Variants in FAT3 observed in about 807,000 individuals in gnomAD.
FAT3 encodes protocadherin Fat 3.
In FAT3, 95 loss-of-function variants were observed where a neutral mutation model predicts 310.2. That is an observed-to-expected ratio of 0.31 (90% CI 0.26 to 0.36). The LOEUF is 0.36. Among genes scored for constraint, FAT3 ranks in the 10% least tolerant of loss-of-function variants. The probability of loss-of-function intolerance (pLI) is 1.00; values close to 1 mark genes in which losing one functional copy is unlikely to be tolerated. For missense variants in FAT3, 5,408 were observed against 5,715.6 expected (o/e 0.95, Z 1.74); for synonymous variants, 2,314 against 2,192.9 (o/e 1.06, Z -1.54).
intron 2 of FAT3, among the ~76,000 whole-genome samples, chr11:92,435,424 A>C (rs528454609): frequency 1.3e-5 from 2 of 151,926 alleles, no homozygotes; most frequent in East Asian, 1.9e-4. Flanking sequence ...TTTATTCATT[A>C]GGACCCTCCC....
intron 2 of FAT3, among the ~76,000 whole-genome samples, chr11:92,411,316 C>T (rs1465392327): frequency 6.6e-6 from 1 of 151,482 alleles, no homozygotes; most frequent in East Asian, 1.9e-4. Context: ...ATTTCAAAGT[C>T]TCATTAGACC....
intron 2 of FAT3, among the ~76,000 whole-genome samples, chr11:92,365,796 C>T (rs1300171018): frequency 6.6e-6 from 1 of 152,156 alleles, no homozygotes; most frequent in Admixed American, 6.5e-5. Flanking sequence ...GCACTCCTAC[C>T]CCTCATAGGT....
At chr11:92,316,111 T>C (rs1239489043) in intron 1 of FAT3, among the ~76,000 whole-genome samples, 1 of 151,888 alleles carries the variant, frequency 6.6e-6, no homozygotes, top group Non-Finnish European at 1.5e-5. Context: ...AAAAAATGAA[T>C]AGAAAATACT....
intron 3 of FAT3, among the ~76,000 whole-genome samples, chr11:92,628,537 C>T (rs1022803660): frequency 1.3e-5 from 2 of 152,118 alleles, no homozygotes; most frequent in African/African-American, 4.8e-5. Context: ...TTTCTTCCAG[C>T]TATTATTCTC....
At chr11:92,618,274 T>TGAGCCAGGCGCGGGATACA (rs1940915145) in intron 3 of FAT3, among the ~76,000 whole-genome samples, 1 of 152,234 alleles carries the variant, frequency 6.6e-6, no homozygotes, top group African/African-American at 2.4e-5. Flanking sequence ...TAGAACCCTC[T>TGAGCCAGGCGCGGGATACA]GAGCCAGGCG....
chr11:92,670,278 A>G (rs933635456), intron 3 of FAT3, among the ~76,000 whole-genome samples: 3 of 152,130 alleles, frequency 2.0e-5, no homozygotes, highest in Non-Finnish European at 4.4e-5. Context: ...TTGTTGAAAT[A>G]ACTGTTTTCC....
Position 92,799,056 on chromosome 11 carries a change from T to C in FAT3, c.6043T>C (p.Leu2015=). 1 of 1,613,938 alleles carries C rather than the reference T, an allele frequency of 6.2e-7. No individual in the cohort carries two copies. Among genetic ancestry groups the C allele is most frequent in the Non-Finnish European group, 8.5e-7 (1 of 1,179,864 alleles). ...NAVGNRLNEP[L]KYSILNPGNK... is the part of the protein sequence containing the mutation. ...AGTTGGAAATCGCCTTAATGAGCCC[T>C]TAAAATACAGCATCTTAAACCCAGG... Residue 2015 remains leucine (L), a synonymous_variant, in exon 10 of 28, where the codon TTA becomes CTA. Coordinates refer to ENST00000525166, the MANE Select transcript of FAT3 (RefSeq NM_001367949.2).
rs534776297 is a variant in FAT3 at position 92,436,651 on chromosome 11, G to A, written c.3292+81247G>A. The stretch of plus-strand genomic sequence containing the variant: ...GACCACTCTTCTTATGTGCAAATAT[G>A]AAAATCTTCATCTCAGATCCTAAAG... On this transcript the variant is annotated intron_variant, in intron 2 of 27. Coordinates refer to ENST00000525166, the MANE Select transcript of FAT3 (RefSeq NM_001367949.2). Among the ~76,000 whole-genome samples the A allele has an allele frequency of 2.9e-3, 447 of 152,264 alleles. 2 individuals are homozygous for A. The highest frequency in any genetic ancestry group is 4.4e-3 in the Non-Finnish European group (299 of 68,032).
chr11:92,338,256 A>G (rs544670662), intron 1 of FAT3, among the ~76,000 whole-genome samples: 1 of 152,322 alleles, frequency 6.6e-6, no homozygotes, highest in Non-Finnish European at 1.5e-5. Context: ...TAGTGGCAAC[A>G]TGTACACTTG....
chr11:92,543,095 G>T (rs1378118432), intron 3 of FAT3, among the ~76,000 whole-genome samples: 1 of 152,120 alleles, frequency 6.6e-6, no homozygotes, highest in Non-Finnish European at 1.5e-5. Context: ...AATACCGCAT[G>T]ATCTCACTCA....
intron 9 of FAT3, 85 bp from the exon 10 acceptor site, chr11:92,797,751 T>A (rs1947212954): frequency 8.5e-7 from 1 of 1,182,764 alleles, no homozygotes; most frequent in Admixed American, 2.2e-5. Context: ...CACATTGCAG[T>A]AAGGTACCTA....
At chr11:92,655,037 T>C (rs772444082) in intron 3 of FAT3, among the ~76,000 whole-genome samples, 1 of 152,142 alleles carries the variant, frequency 6.6e-6, no homozygotes, top group African/African-American at 2.4e-5. Context: ...TTCTGAAAGG[T>C]TATTGCTTTC....
intron 3 of FAT3, among the ~76,000 whole-genome samples, chr11:92,528,548 G>A (rs1402623836): frequency 2.0e-5 from 3 of 152,092 alleles, no homozygotes; most frequent in Non-Finnish European, 2.9e-5. Flanking sequence ...CACCACACCC[G>A]GCTAATTTTT....
At chr11:92,460,306 T>C (rs1018497461) in intron 2 of FAT3, among the ~76,000 whole-genome samples, 1 of 152,196 alleles carries the variant, frequency 6.6e-6, no homozygotes, top group East Asian at 1.9e-4. Context: ...TGAGTGATAT[T>C]CTTCAAAGAG....
chr11:92,727,930 A>G (rs941174858), intron 4 of FAT3, among the ~76,000 whole-genome samples: 5 of 151,884 alleles, frequency 3.3e-5, no homozygotes, highest in Non-Finnish European at 7.4e-5. Flanking sequence ...TTATTCTTAC[A>G]CTTCTTTGTT....
In FAT3 at chr11:92,357,998, T is replaced by TA. The variant is rs1324054781; in HGVS notation, c.3292+2610dup. 3.9e-3 allele frequency among the ~76,000 whole-genome samples: 470 copies of TA among 120,306 alleles called. 1 individual carries two copies. The highest frequency in any genetic ancestry group is 0.035 in the Middle Eastern group (9 of 254). The allele number at this position is 120,306 out of a possible 152,430, so 78.9% of individuals were successfully genotyped here. On this transcript the variant is annotated intron_variant, in intron 2 of 27. Transcript: ENST00000525166. ...AGCTTGGTCAGTATGGTGGAATTCCTAAAAAAAAAAAAAAAATACAGAAAA... is the reference window on the plus strand; with the variant it reads ...AGCTTGGTCAGTATGGTGGAATTCCTAAAAAAAAAAAAAAAAATACAGAAAA...
chr11:92,412,702 G>GAGATATATATATATATATAT (rs1555038472), intron 2 of FAT3, among the ~76,000 whole-genome samples: 1 of 13,448 alleles, frequency 7.4e-5, no homozygotes, highest in Non-Finnish European at 2.2e-4. Context: ...TGATGGTGGT[G>GAGATATATATATATATATAT]ATATATATAT....
chr11:92,355,541 A>G, intron 2 of FAT3, 137 bp downstream of exon 2: 1 of 791,348 alleles, frequency 1.3e-6, no homozygotes, highest in Non-Finnish European at 1.9e-6. Flanking sequence ...ACGCACATAG[A>G]TGCTTTTTCT....
intron 2 of FAT3, among the ~76,000 whole-genome samples, chr11:92,481,183 T>G (rs190383034): frequency 1.3e-5 from 2 of 152,290 alleles, no homozygotes; most frequent in Non-Finnish European, 2.9e-5. Context: ...ATCATTTCAA[T>G]CAGTTAAAAG....
Sources: allele counts gnomAD v4.1 joint callset (sites outside exome capture counted in the v4.1 genomes callset), GRCh38; gene constraint gnomAD v4.1.1; transcripts MANE v1.5; gene names NCBI Gene and HGNC (gene_info 2026-07-23, HGNC 2026-07-21).